The following RSRC1 variants were observed in gnomAD, a reference collection of about 807,000 sequenced individuals.
RSRC1 encodes the protein arginine and serine rich coiled-coil 1.
In RSRC1, 39 loss-of-function variants were observed where a neutral mutation model predicts 49.1. The ratio of observed to expected loss-of-function variants is 0.79; its 90% CI spans 0.61 to 1.04. The LOEUF is 1.04. Ranked by LOEUF, RSRC1 falls within the 50% of genes least tolerant of loss-of-function variation. The probability of loss-of-function intolerance (pLI) is 0.00; values close to 1 mark genes in which losing one functional copy is unlikely to be tolerated. For synonymous variants in RSRC1, 143 were observed against 130.8 expected, an observed-to-expected ratio of 1.09 and a Z score of -0.63; for missense variants, 388 against 402.4, an observed-to-expected ratio of 0.96 and a Z score of 0.31.
intron 6 of RSRC1, among the ~76,000 whole-genome samples, chr3:158,405,012 G>A (rs1217781194): frequency 6.6e-6 from 1 of 151,886 alleles, no homozygotes; most frequent in Non-Finnish European, 1.5e-5. Flanking sequence ...TCAACAGAAA[G>A]GAAAAAATGT....
intron 7 of RSRC1, among the ~76,000 whole-genome samples, chr3:158,487,862 A>T (rs1738877501): frequency 6.8e-6 from 1 of 146,974 alleles, no homozygotes; most frequent in Admixed American, 6.9e-5. Context: ...AGGTGGGAGA[A>T]TTGCTTGAAC....
chr3:158,497,550 C>T (rs988331990), intron 7 of RSRC1, among the ~76,000 whole-genome samples: 8 of 151,896 alleles, frequency 5.3e-5, no homozygotes, highest in African/African-American at 1.9e-4. Context: ...AATTCTCCTG[C>T]CTCAGCCTCC....
intron 6 of RSRC1, among the ~76,000 whole-genome samples, chr3:158,423,457 C>A (rs940255891): frequency 3.7e-4 from 56 of 152,154 alleles, no homozygotes; most frequent in African/African-American, 1.3e-3. Flanking sequence ...GGTACCAGTA[C>A]CATGCTGTTT....
intron 7 of RSRC1, among the ~76,000 whole-genome samples, chr3:158,524,454 C>T (rs1461871600): frequency 4.6e-5 from 7 of 152,032 alleles, no homozygotes; most frequent in South Asian, 2.1e-4. Context: ...TCAATGATTT[C>T]ACCATTCTTT....
At chr3:158,538,552 C>G (rs1318964014) in intron 8 of RSRC1, among the ~76,000 whole-genome samples, 3 of 151,912 alleles carry the variant, frequency 2.0e-5, no homozygotes. Flanking sequence ...TTATTGGACT[C>G]TCTTATGATA....
intron 7 of RSRC1, among the ~76,000 whole-genome samples, chr3:158,501,837 G>A (rs1714517): frequency 0.052 from 7,906 of 152,210 alleles, 297 homozygotes; most frequent in Middle Eastern, 0.082. Flanking sequence ...GAGCATTTAG[G>A]CCATTTACAT....
At chr3:158,154,570 T>C (rs1201580959) in intron 3 of RSRC1, among the ~76,000 whole-genome samples, 1 of 151,796 alleles carries the variant, frequency 6.6e-6, no homozygotes, top group African/African-American at 2.4e-5. Flanking sequence ...GTTCAAGCAA[T>C]TCTCCTGTCT....
intron 7 of RSRC1, among the ~76,000 whole-genome samples, chr3:158,470,858 G>A (rs1738106260): frequency 1.3e-5 from 2 of 152,098 alleles, no homozygotes; most frequent in Admixed American, 6.6e-5. Flanking sequence ...CTATTAGACT[G>A]GGTACAGTGC....
chr3:158,143,712 A>G (rs1280841181), intron 3 of RSRC1, among the ~76,000 whole-genome samples: 1 of 152,180 alleles, frequency 6.6e-6, no homozygotes, highest in Non-Finnish European at 1.5e-5. Context: ...ACAAAAAACA[A>G]ACCTTGAATT....
At chr3:158,198,256 G>T (rs545627707) in intron 3 of RSRC1, among the ~76,000 whole-genome samples, 3 of 151,956 alleles carry the variant, frequency 2.0e-5, no homozygotes, top group Non-Finnish European at 4.4e-5. Context: ...TGGCCTTCTT[G>T]GTCTCTTTTG....
At chr3:158,371,238 T>G (rs1732058713) in intron 6 of RSRC1, among the ~76,000 whole-genome samples, 1 of 151,950 alleles carries the variant, frequency 6.6e-6, no homozygotes, top group African/African-American at 2.4e-5. Flanking sequence ...ACAATGTTTT[T>G]TAAAAATTAA....
At chr3:158,334,544 G>A (rs1007390107) in intron 5 of RSRC1, among the ~76,000 whole-genome samples, 2 of 150,378 alleles carry the variant, frequency 1.3e-5, no homozygotes, top group Non-Finnish European at 1.5e-5. Context: ...GCAGTGGTGC[G>A]ATCTCAGCTC....
At chr3:158,143,730 A>G (rs1383974188) in intron 3 of RSRC1, among the ~76,000 whole-genome samples, 1 of 152,204 alleles carries the variant, frequency 6.6e-6, no homozygotes, top group Non-Finnish European at 1.5e-5. Context: ...ATTAGGGGTA[A>G]TAAAGCAGGA....
intron 4 of RSRC1, among the ~76,000 whole-genome samples, chr3:158,207,910 C>T (rs1721439309): frequency 6.6e-6 from 1 of 152,056 alleles, no homozygotes; most frequent in South Asian, 2.1e-4. Context: ...TAAATAACAG[C>T]TAATTATAGT....
At chr3:158,440,201 T>G (rs1736306540) in intron 6 of RSRC1, among the ~76,000 whole-genome samples, 1 of 151,404 alleles carries the variant, frequency 6.6e-6, no homozygotes, top group Admixed American at 6.6e-5. Context: ...GTTCTTCGTG[T>G]TTGAAGTGTA....
intron 4 of RSRC1, among the ~76,000 whole-genome samples, chr3:158,229,418 ATG>A (rs545606665): frequency 7.9e-6 from 1 of 125,938 alleles, no homozygotes; most frequent in Non-Finnish European, 1.7e-5. Flanking sequence ...GTATATGTGT[ATG>A]TATGTATGTA....
chr3:158,279,179 A>G (rs1349825989), intron 4 of RSRC1, among the ~76,000 whole-genome samples: 3 of 152,210 alleles, frequency 2.0e-5, no homozygotes, highest in East Asian at 1.9e-4. Flanking sequence ...TAGTTATGCT[A>G]TGTTACTGTG....
intron 4 of RSRC1, among the ~76,000 whole-genome samples, chr3:158,243,062 C>T (rs1448773441): frequency 6.6e-6 from 1 of 151,960 alleles, no homozygotes; most frequent in Admixed American, 6.6e-5. Context: ...ATCAGATTCC[C>T]TATGTCAATT....
chr3:158,332,986 T>A (rs76704939), intron 5 of RSRC1, among the ~76,000 whole-genome samples: 1 of 151,282 alleles, frequency 6.6e-6, no homozygotes, highest in South Asian at 2.1e-4. Context: ...TTTTTTTTTT[T>A]GAGACAGAGT....
Sources: gnomAD v4.1 joint callset for allele counts (sites outside exome capture counted in the v4.1 genomes callset) on GRCh38, gnomAD v4.1.1 for gene constraint, MANE v1.5 for transcripts, NCBI Gene and HGNC (gene_info 2026-07-23, HGNC 2026-07-21) for gene names.